ARHGAP42: variants seen among roughly 807,000 people sequenced by gnomAD.
The protein encoded by ARHGAP42 is Rho GTPase activating protein 42, also known as rho GTPase-activating protein 42.
In ARHGAP42, 63 loss-of-function variants were observed where a neutral mutation model predicts 125.0. That is an observed-to-expected ratio of 0.50 (90% CI 0.41 to 0.62). The LOEUF is 0.62. ARHGAP42 is among the 20% of genes least tolerant of loss of function. ARHGAP42 has a pLI of 0.00. For missense variants in ARHGAP42, 766 were observed against 1,024.2 expected (o/e 0.75, Z 3.44); for synonymous variants, 339 against 351.0 (o/e 0.97, Z 0.38).
chr11:100,899,892 T>C (rs1264831326), intron 4 of ARHGAP42, among the ~76,000 whole-genome samples: 1 of 152,174 alleles, frequency 6.6e-6, no homozygotes, highest in Non-Finnish European at 1.5e-5. Context: ...AATTGGGGCC[T>C]TTAGCCCATT....
intron 3 of ARHGAP42, chr11:100,859,222 A>G (rs1865389168): frequency 5.2e-6 from 1 of 192,300 alleles, no homozygotes; most frequent in African/African-American, 2.3e-5. Flanking sequence ...ACATTAAACC[A>G]GTGTAATTAT....
intron 4 of ARHGAP42, among the ~76,000 whole-genome samples, chr11:100,876,066 C>G (rs1469898710): frequency 6.6e-6 from 1 of 152,098 alleles, no homozygotes; most frequent in Non-Finnish European, 1.5e-5. Context: ...AGACCTGAAA[C>G]AAATTTCAGT....
intron 4 of ARHGAP42, among the ~76,000 whole-genome samples, chr11:100,910,630 G>A (rs547476404): frequency 1.7e-5 from 2 of 115,554 alleles, no homozygotes; most frequent in East Asian, 3.9e-4. Context: ...TAGCTATATG[G>A]GGTTACATTA....
rs1491024337 is a variant in ARHGAP42, at chr11:100,733,851, A to AAG, written c.155-36492_155-36491insAG. Among the ~76,000 whole-genome samples, 25 of 146,350 alleles carry AAG rather than the reference A, an allele frequency of 1.7e-4. 2 individuals carry two copies. The highest frequency in any genetic ancestry group is 6.0e-4 in the African/African-American group (24 of 40,064). On this transcript the variant is annotated intron_variant, in intron 1 of 23. Coordinates refer to ENST00000298815, the MANE Select transcript of ARHGAP42 (RefSeq NM_152432.4). Reference sequence around the variant, plus strand: ...AAAAAAAAAAAAAAAAAAAAAAAAAAGCACTCCATTTATACAAATTAGATA... The same window carrying AAG: ...AAAAAAAAAAAAAAAAAAAAAAAAAAAGGCACTCCATTTATACAAATTAGATA...
chr11:100,960,352 C>A (rs1348223770), intron 13 of ARHGAP42, among the ~76,000 whole-genome samples: 1 of 151,798 alleles, frequency 6.6e-6, no homozygotes, highest in Non-Finnish European at 1.5e-5. Flanking sequence ...TACCTTTCTT[C>A]GTTTTAATCA....
intron 6 of ARHGAP42, among the ~76,000 whole-genome samples, chr11:100,930,495 G>A (rs1867545182): frequency 6.6e-6 from 1 of 152,128 alleles, no homozygotes; most frequent in Admixed American, 6.6e-5. Context: ...GCCTTCCATA[G>A]GATTGTACAT....
At chr11:100,921,393 A>T in intron 5 of ARHGAP42, 101 bp from the exon 6 acceptor site, 1 of 890,842 alleles carries the variant, frequency 1.1e-6, no homozygotes, top group Non-Finnish European at 1.7e-6. Context: ...GCTGTGTTAA[A>T]CTTTTTGTAG....
chr11:100,806,549 T>C (rs895990904), intron 3 of ARHGAP42, among the ~76,000 whole-genome samples: 3 of 152,104 alleles, frequency 2.0e-5, no homozygotes, highest in Admixed American at 1.3e-4. Context: ...ATTTTAGGTA[T>C]GTTGGCCTCC....
intron 3 of ARHGAP42, among the ~76,000 whole-genome samples, chr11:100,826,330 A>G (rs1320343522): frequency 6.6e-6 from 1 of 152,172 alleles, no homozygotes; most frequent in Non-Finnish European, 1.5e-5. Flanking sequence ...TTTAAATCCT[A>G]GACTGACTAT....
intron 12 of ARHGAP42, among the ~76,000 whole-genome samples, chr11:100,953,799 A>G (rs1857727177): frequency 6.6e-6 from 1 of 152,260 alleles, no homozygotes; most frequent in Non-Finnish European, 1.5e-5. Context: ...CTGGTTGTAA[A>G]ATATGCTGCA....
intron 1 of ARHGAP42, among the ~76,000 whole-genome samples, chr11:100,750,244 G>A (rs1387822554): frequency 6.6e-6 from 1 of 152,252 alleles, no homozygotes; most frequent in Non-Finnish European, 1.5e-5. Flanking sequence ...CCTTACAGAT[G>A]GAGCAATGGT....
chr11:100,933,826 C>CACG (rs1388765389), intron 7 of ARHGAP42, among the ~76,000 whole-genome samples: 1 of 151,906 alleles, frequency 6.6e-6, no homozygotes, highest in African/African-American at 2.4e-5. Flanking sequence ...CTTCGCTCGT[C>CACG]ACCCAGGCTG....
chr11:100,793,354 T>C (rs1057380382), intron 2 of ARHGAP42, among the ~76,000 whole-genome samples: 4 of 152,232 alleles, frequency 2.6e-5, no homozygotes, highest in Admixed American at 2.0e-4. Context: ...AAAATGGGAA[T>C]GTATTATAAC....
chr11:100,832,746 CTT>C (rs1864691637), intron 3 of ARHGAP42, among the ~76,000 whole-genome samples: 1 of 152,198 alleles, frequency 6.6e-6, no homozygotes, highest in Non-Finnish European at 1.5e-5. Context: ...TCTTGACACA[CTT>C]TGCTTGACCA....
intron 1 of ARHGAP42, among the ~76,000 whole-genome samples, chr11:100,718,903 C>T (rs1489154881): frequency 6.6e-6 from 1 of 152,112 alleles, no homozygotes; most frequent in Non-Finnish European, 1.5e-5. Context: ...TGATAGATTT[C>T]ATATTATTTT....
At chr11:100,874,698 A>G (rs1048648486) in intron 4 of ARHGAP42, among the ~76,000 whole-genome samples, 2 of 152,038 alleles carry the variant, frequency 1.3e-5, no homozygotes, top group Non-Finnish European at 2.9e-5. Context: ...TGGAATTGTA[A>G]TGTGTTTATT....
At chr11:100,744,815 G>A (rs1862263745) in intron 1 of ARHGAP42, among the ~76,000 whole-genome samples, 1 of 152,078 alleles carries the variant, frequency 6.6e-6, no homozygotes, top group South Asian at 2.1e-4. Context: ...AAAAGAAATA[G>A]CACTTGAATA....
chr11:100,855,804 C>A (rs974076000), intron 3 of ARHGAP42, among the ~76,000 whole-genome samples: 1 of 152,000 alleles, frequency 6.6e-6, no homozygotes, highest in Non-Finnish European at 1.5e-5. Context: ...ATTTGCTTTT[C>A]TTCTACTGAA....
At chr11:100,714,881 A>T (rs1454380394) in intron 1 of ARHGAP42, among the ~76,000 whole-genome samples, 1 of 151,850 alleles carries the variant, frequency 6.6e-6, no homozygotes, top group African/African-American at 2.4e-5. Flanking sequence ...CCCTCTCTCT[A>T]CAAAAACAAT....
Sources: allele counts gnomAD v4.1 joint callset (sites outside exome capture counted in the v4.1 genomes callset), GRCh38; gene constraint gnomAD v4.1.1; transcripts MANE v1.5; gene names NCBI Gene and HGNC (gene_info 2026-07-23, HGNC 2026-07-21).